ITPR2: variants seen among roughly 807,000 people sequenced by gnomAD.
ITPR2 encodes inositol 1,4,5-trisphosphate receptor type 2.
ITPR2 carries 207 observed loss-of-function variants against 317.1 expected under a neutral mutation model. The ratio of observed to expected loss-of-function variants is 0.65; its 90% CI spans 0.58 to 0.73. The LOEUF is 0.73. Among genes scored for constraint, ITPR2 ranks in the 30% least tolerant of loss-of-function variants. The probability of loss-of-function intolerance (pLI) is 0.00; values close to 1 mark genes in which losing one functional copy is unlikely to be tolerated. For synonymous variants in ITPR2, 1,156 were observed against 1,149.1 expected (o/e 1.01, Z -0.12); for missense variants, 2,613 against 3,284.0 (o/e 0.80, Z 4.99).
intron 34 of ITPR2, among the ~76,000 whole-genome samples, chr12:26,571,873 T>C (rs1407864428): frequency 6.6e-6 from 1 of 152,226 alleles, no homozygotes; most frequent in African/African-American, 2.4e-5. Context: ...GTATTCCATG[T>C]ACAACTAAGA....
intron 37 of ITPR2, among the ~76,000 whole-genome samples, chr12:26,509,161 CA>C (rs1437642738): frequency 2.6e-5 from 4 of 152,246 alleles, no homozygotes; most frequent in African/African-American, 9.6e-5. Flanking sequence ...TGTATGATTC[CA>C]TTTATATGAA....
chr12:26,589,249 C>A (rs1287598697), intron 32 of ITPR2, among the ~76,000 whole-genome samples: 3 of 152,028 alleles, frequency 2.0e-5, no homozygotes, highest in African/African-American at 7.3e-5. Context: ...AACAATCTAG[C>A]ACCAGTTTAT....
chr12:26,824,269 G>T (rs1950980833), intron 1 of ITPR2, among the ~76,000 whole-genome samples: 2 of 152,124 alleles, frequency 1.3e-5, no homozygotes, highest in Admixed American at 1.3e-4. Context: ...CTCTAATATG[G>T]TTTCTACTGA....
intron 54 of ITPR2, among the ~76,000 whole-genome samples, chr12:26,396,556 C>T (rs1213633658): frequency 1.3e-5 from 2 of 152,164 alleles, no homozygotes; most frequent in African/African-American, 4.8e-5. Flanking sequence ...GCTCCTCTTT[C>T]TCTCCTAAGT....
At chr12:26,610,898 G>A (rs1946248403) in intron 26 of ITPR2, among the ~76,000 whole-genome samples, 1 of 152,202 alleles carries the variant, frequency 6.6e-6, no homozygotes, top group Admixed American at 6.5e-5. Context: ...TACAAGCCAA[G>A]CAACAGCAAG....
intron 2 of ITPR2, among the ~76,000 whole-genome samples, chr12:26,772,456 ATATAATACATG>A (rs1162164587): frequency 3.7e-3 from 323 of 87,720 alleles, no homozygotes; most frequent in African/African-American, 0.014. Context: ...TATATTATAT[ATATAATACATG>A]TATTATATAT....
At chr12:26,533,064 A>T (rs143572213) in intron 37 of ITPR2, among the ~76,000 whole-genome samples, 1 of 152,372 alleles carries the variant, frequency 6.6e-6, no homozygotes, top group East Asian at 1.9e-4. Flanking sequence ...CTTCATGATC[A>T]TGCTGAAACA....
intron 23 of ITPR2, among the ~76,000 whole-genome samples, chr12:26,627,110 A>G (rs900448126): frequency 5.3e-5 from 8 of 152,248 alleles, no homozygotes; most frequent in Non-Finnish European, 1.2e-4. Context: ...AAATTGAAAT[A>G]TAGTTCCAGT....
rs754504201 is a variant in ITPR2 at position 26,599,998 on chromosome 12, A to G, written c.3790T>C (p.Leu1264=). 2 of 1,605,234 alleles carry G rather than the reference A, an allele frequency of 1.2e-6. No homozygotes were observed. Among genetic ancestry groups the G allele is most frequent in the Non-Finnish European group, 8.5e-7 (1 of 1,172,624 alleles). The change falls in exon 29 of 57, where the codon TTA becomes CTA. Residue 1264 remains leucine (L), a synonymous_variant. Transcript: ENST00000381340. ...VLLHKHLNLF[L]TPGLLEAETM... ...ACTAAAATACTTACACCTGGAGTTA[A>G]AAACAAATTCAGATGTTTATGAAGA...
chr12:26,793,538 C>T (rs911523302), intron 1 of ITPR2, among the ~76,000 whole-genome samples: 44 of 152,180 alleles, frequency 2.9e-4, no homozygotes, highest in African/African-American at 1.0e-3. Context: ...GACTGTATCA[C>T]AGCCCAGTAT....
Position 26,483,859 on chromosome 12 carries a change from G to T in ITPR2, c.5851C>A (p.Leu1951Ile), listed in dbSNP as rs769425580. ...RNQNNKTNYN[L>I]VCETLQFLDC... ...AGAAACTGAAGGGTCTCACAGACTA[G>T]GTTGTAATTTGTTTTGTTGTTTTGA... Residue 1951 changes from leucine to isoleucine, a missense_variant, in exon 42 of 57, where the codon CTA becomes ATA. Around this residue, in one of 9 missense-constraint regions of ITPR2, gnomAD observed 926 missense variants for 1,072.8 expected, o/e 0.86. Coordinates refer to ENST00000381340, the MANE Select transcript of ITPR2 (RefSeq NM_002223.4). 1.4e-5 allele frequency: 22 copies of T among 1,614,012 alleles called. No individual in the cohort carries two copies. The highest frequency in any genetic ancestry group is 1.8e-5 in the Non-Finnish European group (21 of 1,180,006).
chr12:26,727,835 C>G (rs112109082), intron 2 of ITPR2, among the ~76,000 whole-genome samples: 145 of 152,242 alleles, frequency 9.5e-4, no homozygotes, highest in African/African-American at 2.6e-3. Context: ...AAAAGACTTC[C>G]CCACGGAGAA....
intron 21 of ITPR2, among the ~76,000 whole-genome samples, chr12:26,643,308 T>A (rs1330120267): frequency 6.6e-6 from 1 of 152,148 alleles, no homozygotes; most frequent in African/African-American, 2.4e-5. Flanking sequence ...AGACAGAAAA[T>A]TGTCTTACGA....
chr12:26,607,612 G>A (rs752205122), intron 26 of ITPR2, among the ~76,000 whole-genome samples: 8 of 152,164 alleles, frequency 5.3e-5, no homozygotes, highest in Non-Finnish European at 7.3e-5. Context: ...GCTGCTTGAA[G>A]GCTTGATTCA....
chr12:26,648,298 T>G (rs528513607), intron 21 of ITPR2, among the ~76,000 whole-genome samples: 22 of 152,314 alleles, frequency 1.4e-4, no homozygotes, highest in Admixed American at 3.9e-4. Flanking sequence ...ATATGCCTCC[T>G]CTTCTGCTCT....
rs1244667974 is a variant in ITPR2 at position 26,465,329 on chromosome 12, A to T, written c.6342+9967T>A. Among the ~76,000 whole-genome samples, 5 of 152,344 alleles carry T rather than the reference A, an allele frequency of 3.3e-5. No homozygotes were observed. In the East Asian group the frequency reaches 9.6e-4, roughly 29 times the overall value. On this transcript the variant is annotated intron_variant, in intron 45 of 56. Transcript: ENST00000381340. ...ATGGGGGCAACCTTTAGATTGGTCA[A>T]AGAGGCAGTGACTGGTGGCCTCACC...
At chr12:26,622,852 A>T (rs1320749910) in intron 24 of ITPR2, among the ~76,000 whole-genome samples, 1 of 152,336 alleles carries the variant, frequency 6.6e-6, no homozygotes, top group East Asian at 1.9e-4. Context: ...CCAGCACCAG[A>T]GTGGCCACAG....
chr12:26,618,614 A>C (rs1481837954), intron 26 of ITPR2, among the ~76,000 whole-genome samples: 1 of 152,196 alleles, frequency 6.6e-6, no homozygotes, highest in Non-Finnish European at 1.5e-5. Context: ...TGTCTGGTAG[A>C]GGGGAACATA....
chr12:26,761,574 G>A (rs545971028), intron 2 of ITPR2, among the ~76,000 whole-genome samples: 14 of 152,302 alleles, frequency 9.2e-5, no homozygotes, highest in East Asian at 1.9e-4. Context: ...TGAGAGAATC[G>A]CTTGAGGCCA....
Sources: gnomAD v4.1 joint callset for allele counts (sites outside exome capture counted in the v4.1 genomes callset) on GRCh38, gnomAD v4.1.1 for gene constraint, gnomAD v4.1.1 regional missense constraint, MANE v1.5 for transcripts, NCBI Gene and HGNC (gene_info 2026-07-23, HGNC 2026-07-21) for gene names.